The following MED27 variants were observed in gnomAD, a reference collection of about 807,000 sequenced individuals.
MED27 encodes mediator of RNA polymerase II transcription subunit 27.
In MED27, 30 loss-of-function variants were observed where a neutral mutation model predicts 38.2. The ratio of observed to expected loss-of-function variants is 0.79; its 90% confidence interval spans 0.59 to 1.07. The LOEUF (loss-of-function observed/expected upper bound fraction) is 1.07, where lower values mean the gene tolerates loss of function less well. MED27 is among the 50% of genes least tolerant of loss of function. The probability of loss-of-function intolerance (pLI) is 0.00; values close to 1 mark genes in which losing one functional copy is unlikely to be tolerated. For synonymous variants in MED27, 122 were observed against 153.5 expected, an observed-to-expected ratio of 0.79 and a Z score of 1.52; for missense variants, 289 against 397.5, an observed-to-expected ratio of 0.73 and a Z score of 2.32.
chr9:131,935,105 G>A (rs1278793998), intron 4 of MED27, among the ~76,000 whole-genome samples: 1 of 152,138 alleles, frequency 6.6e-6, no homozygotes, highest in Non-Finnish European at 1.5e-5. Flanking sequence ...TAGTGGGGAT[G>A]TTTAATAGGT....
intron 2 of MED27, among the ~76,000 whole-genome samples, chr9:132,032,627 G>C (rs929671419): frequency 2.0e-5 from 3 of 152,148 alleles, no homozygotes; most frequent in Admixed American, 6.5e-5. Context: ...GAATGTGTTC[G>C]TTCCCAAATG....
Position 131,923,995 on chromosome 9 carries a change from G to A in MED27, c.573+15386C>T, listed in dbSNP as rs765103251. Among the ~76,000 whole-genome samples, 70 of 152,126 alleles carry A rather than the reference G, an allele frequency of 4.6e-4. 1 individual carries two copies. Among genetic ancestry groups the A allele is most frequent in the South Asian group, 8.3e-4 (4 of 4,834 alleles). ...AAAAAGTGATGTGGCTCCATTGTGC[G>A]AGTGTATCATAATGTATTCAATCAC... On this transcript the variant is annotated intron_variant, in intron 4 of 7. Coordinates refer to ENST00000292035, the MANE Select transcript of MED27 (RefSeq NM_004269.4).
At chr9:131,955,570 T>C (rs891358560) in intron 3 of MED27, among the ~76,000 whole-genome samples, 1 of 152,232 alleles carries the variant, frequency 6.6e-6, no homozygotes, top group African/African-American at 2.4e-5. Context: ...GAATGAATGA[T>C]GAGACATCGC....
At chr9:131,888,119 G>T (rs1190554393) in intron 5 of MED27, among the ~76,000 whole-genome samples, 1 of 152,194 alleles carries the variant, frequency 6.6e-6, no homozygotes, top group East Asian at 1.9e-4. Context: ...GATTCTGTCT[G>T]CAATGCTGAC....
At chr9:131,897,788 G>A (rs749134642) in intron 4 of MED27, among the ~76,000 whole-genome samples, 9 of 152,276 alleles carry the variant, frequency 5.9e-5, no homozygotes, top group Non-Finnish European at 1.3e-4. Context: ...AATCAATTAA[G>A]TTGGCACTTT....
chr9:132,011,859 T>C (rs1293249576), intron 3 of MED27, among the ~76,000 whole-genome samples: 2 of 152,214 alleles, frequency 1.3e-5, no homozygotes, highest in African/African-American at 2.4e-5. Context: ...CTATGTTGTA[T>C]TCTTAGGACA....
At chr9:131,864,422 A>G (rs1838702055) in intron 6 of MED27, among the ~76,000 whole-genome samples, 1 of 152,196 alleles carries the variant, frequency 6.6e-6, no homozygotes, top group Non-Finnish European at 1.5e-5. Flanking sequence ...AGTTGAGGCT[A>G]CAGTGAACTG....
chr9:132,046,733 T>A (rs937411277), intron 2 of MED27, among the ~76,000 whole-genome samples: 6 of 152,134 alleles, frequency 3.9e-5, no homozygotes, highest in Admixed American at 1.3e-4. Context: ...TCCTTTCCAG[T>A]TAAAGGAACA....
intron 2 of MED27, among the ~76,000 whole-genome samples, chr9:132,016,097 AC>A (rs990866572): frequency 6.6e-6 from 1 of 152,208 alleles, no homozygotes; most frequent in African/African-American, 2.4e-5. Context: ...ACTGGCGACC[AC>A]CATATAAAAG....
chr9:131,892,038 T>G (rs1839238336), intron 5 of MED27, among the ~76,000 whole-genome samples: 1 of 151,796 alleles, frequency 6.6e-6, no homozygotes, highest in Admixed American at 6.6e-5. Context: ...ATGAGTTTTG[T>G]TTTAGACAGG....
chr9:132,077,481 G>A lies in MED27; in HGVS notation c.309C>T (p.Leu103=). Residue 103 remains leucine, a synonymous_variant, in exon 2 of 8, where the codon CTC becomes CTT. Coordinates refer to ENST00000292035, the MANE Select transcript of MED27 (RefSeq NM_004269.4). ...TATATGCTTGAAGGAGTTGACTATA[G>A]AGAGGAGTTTTGTCCTGCACAGGAT... ...SLDPVQDKTP[L]YSQLLQAYKW... is the part of the protein sequence containing the mutation. 1 of 1,614,168 alleles carries A rather than the reference G, an allele frequency of 6.2e-7. No individual in the cohort carries two copies.
At chr9:131,946,328 A>G (rs557772870) in intron 3 of MED27, among the ~76,000 whole-genome samples, 9 of 152,226 alleles carry the variant, frequency 5.9e-5, no homozygotes, top group Middle Eastern at 3.4e-3. Flanking sequence ...CCGCCATACT[A>G]TTTTCCATAA....
At chr9:132,002,839 TGA>T (rs960364369) in intron 3 of MED27, among the ~76,000 whole-genome samples, 1 of 144,852 alleles carries the variant, frequency 6.9e-6, no homozygotes, top group African/African-American at 2.5e-5. Flanking sequence ...CGTTTGAACC[TGA>T]GAGGTGGAGG....
At chr9:131,991,623 C>G (rs999146740) in intron 3 of MED27, among the ~76,000 whole-genome samples, 6 of 152,186 alleles carry the variant, frequency 3.9e-5, no homozygotes, top group Non-Finnish European at 7.3e-5. Context: ...TGAAACTCAA[C>G]ACAAAATATA....
At chr9:131,987,191 G>A (rs1159350467) in intron 3 of MED27, among the ~76,000 whole-genome samples, 1 of 151,964 alleles carries the variant, frequency 6.6e-6, no homozygotes, top group Non-Finnish European at 1.5e-5. Context: ...TCTCAAAGAG[G>A]TTAAGTCCCT....
intron 4 of MED27, among the ~76,000 whole-genome samples, chr9:131,937,838 T>C (rs1830710812): frequency 6.6e-6 from 1 of 152,124 alleles, no homozygotes; most frequent in African/African-American, 2.4e-5. Context: ...ACTTTTTTTT[T>C]TTTTTGAGAC....
At chr9:132,017,316 A>C (rs543791356) in intron 2 of MED27, among the ~76,000 whole-genome samples, 1 of 152,312 alleles carries the variant, frequency 6.6e-6, no homozygotes, top group East Asian at 1.9e-4. Context: ...GGGAGTTCAG[A>C]GTGAATCTAC....
chr9:131,867,898 G>A (rs997689556), intron 6 of MED27, among the ~76,000 whole-genome samples: 4 of 152,234 alleles, frequency 2.6e-5, no homozygotes, highest in Non-Finnish European at 4.4e-5. Flanking sequence ...CACACTGCTG[G>A]TTAGGGACTG....
At chr9:131,865,691 TG>T (rs1482177008) in intron 6 of MED27, among the ~76,000 whole-genome samples, 1 of 152,236 alleles carries the variant, frequency 6.6e-6, no homozygotes, top group African/African-American at 2.4e-5. Context: ...TGGGATCCCC[TG>T]GGTGAGACCA....
Sources: allele counts gnomAD v4.1 joint callset (sites outside exome capture counted in the v4.1 genomes callset), GRCh38; gene constraint gnomAD v4.1.1; transcripts MANE v1.5; gene names NCBI Gene and HGNC (gene_info 2026-07-23, HGNC 2026-07-21).